Variants in TRAPPC9 observed in about 807,000 individuals in gnomAD.
TRAPPC9 encodes the protein trafficking protein particle complex subunit 9, also known as IKK2 binding protein.
A neutral mutation model predicts 124.0 loss-of-function variants in TRAPPC9; 83 were observed. The ratio of observed to expected loss-of-function variants is 0.67; its 90% CI spans 0.56 to 0.80. TRAPPC9 has a LOEUF of 0.80. Among genes scored for constraint, TRAPPC9 ranks in the 30% least tolerant of loss-of-function variants. The probability of loss-of-function intolerance (pLI) is 0.00; values close to 1 mark genes in which losing one functional copy is unlikely to be tolerated. For synonymous variants in TRAPPC9, 638 were observed against 617.5 expected (o/e 1.03, Z -0.49); for missense variants, 1,302 against 1,508.3 (o/e 0.86, Z 2.27).
chr8:140,388,117 G>T (rs10875452), intron 7 of TRAPPC9, among the ~76,000 whole-genome samples: 39,688 of 150,296 alleles, frequency 0.26, 5,628 homozygotes, highest in African/African-American at 0.3. Context: ...GCAAACTATC[G>T]CAAGGACAAA....
intron 18 of TRAPPC9, among the ~76,000 whole-genome samples, chr8:140,004,344 T>C (rs1233982589): frequency 3.3e-5 from 5 of 152,170 alleles, no homozygotes; most frequent in African/African-American, 1.2e-4. Context: ...TTCATTTTAC[T>C]CTATGTTAAT....
At chr8:140,011,946 A>AAAG (rs1353011082) in intron 18 of TRAPPC9, among the ~76,000 whole-genome samples, 22 of 152,066 alleles carry the variant, frequency 1.4e-4, no homozygotes, top group African/African-American at 5.1e-4. Flanking sequence ...CCAAAGTGCT[A>AAAG]GGATTACAGG....
intron 21 of TRAPPC9, among the ~76,000 whole-genome samples, chr8:139,878,824 CA>C (rs1829496491): frequency 6.6e-6 from 1 of 152,132 alleles, no homozygotes; most frequent in African/African-American, 2.4e-5. Context: ...ATACAAATAA[CA>C]AATACAAAAA....
intron 4 of TRAPPC9, among the ~76,000 whole-genome samples, chr8:140,430,456 T>G (rs1446594501): frequency 6.6e-6 from 1 of 152,058 alleles, no homozygotes; most frequent in Non-Finnish European, 1.5e-5. Context: ...GTGAACCCCT[T>G]CTTTTGCCCT....
At chr8:140,118,882 C>T (rs987701863) in intron 17 of TRAPPC9, among the ~76,000 whole-genome samples, 1 of 152,230 alleles carries the variant, frequency 6.6e-6, no homozygotes, top group African/African-American at 2.4e-5. Context: ...CCGGGTCCCA[C>T]CTGCGGCCTG....
chr8:140,329,933 A>G (rs1345150549), intron 9 of TRAPPC9, among the ~76,000 whole-genome samples: 5 of 151,884 alleles, frequency 3.3e-5, no homozygotes, highest in Non-Finnish European at 7.4e-5. Flanking sequence ...TACAAAAATT[A>G]CCCAGGTGCT....
intron 5 of TRAPPC9, among the ~76,000 whole-genome samples, chr8:140,413,027 G>A (rs28407852): frequency 6.6e-6 from 1 of 152,100 alleles, no homozygotes. Flanking sequence ...CATAACACTC[G>A]CTAAGTGTCA....
rs1563706660 is a variant in TRAPPC9, at chr8:140,033,668, T to TTTTTTTTTG, written c.2557-9590_2557-9589insCAAAAAAAA. ...ACTCTTCATAATGTGGTTTTTTTTT[T>TTTTTTTTTG]TTTTTTTTTTTTTTTTTTTTTTTTT... On this transcript the variant is annotated intron_variant, in intron 17 of 22. Coordinates refer to ENST00000438773, the MANE Select transcript of TRAPPC9 (RefSeq NM_001160372.4). Among the ~76,000 whole-genome samples, 59 of 71,152 alleles carry TTTTTTTTTG rather than the reference T, an allele frequency of 8.3e-4. 8 individuals are homozygous for TTTTTTTTTG. Among genetic ancestry groups the TTTTTTTTTG allele is most frequent in the East Asian group, 1.1e-3 (3 of 2,850 alleles). 46.7% of individuals were successfully genotyped at this position (71,152 alleles called of 152,430 possible). A position where few individuals can be genotyped will look rare whatever the true frequency, so the allele number is the denominator to read the frequency against.
chr8:139,880,243 G>A (rs368325776), intron 21 of TRAPPC9, among the ~76,000 whole-genome samples: 6 of 152,128 alleles, frequency 3.9e-5, no homozygotes, highest in Non-Finnish European at 8.8e-5. Context: ...GTGTGCAGGC[G>A]GCCGGCATAG....
chr8:139,927,928 G>A (rs779288785), intron 19 of TRAPPC9, among the ~76,000 whole-genome samples: 2 of 152,204 alleles, frequency 1.3e-5, no homozygotes, highest in Non-Finnish European at 2.9e-5. Flanking sequence ...GCAGAAGCAC[G>A]CCAGGGGTTG....
intron 15 of TRAPPC9, among the ~76,000 whole-genome samples, chr8:140,264,614 G>GAC (rs2064555638): frequency 8.8e-6 from 1 of 113,356 alleles, no homozygotes; most frequent in African/African-American, 3.0e-5. Context: ...GGGGAAGGGA[G>GAC]AGAGAGAGAG....
chr8:139,738,460 C>CG (rs925542617), intron 21 of TRAPPC9, among the ~76,000 whole-genome samples: 60 of 152,296 alleles, frequency 3.9e-4, no homozygotes, highest in African/African-American at 1.4e-3. Context: ...CCTGGGCCAT[C>CG]GGAGTAGGCC....
At chr8:139,884,391 C>G (rs954294522) in intron 21 of TRAPPC9, among the ~76,000 whole-genome samples, 6 of 152,214 alleles carry the variant, frequency 3.9e-5, no homozygotes, top group African/African-American at 1.4e-4. Context: ...GACCCTCAGA[C>G]AGAAGGGAGG....
chr8:140,195,877 G>A (rs1434372975), intron 17 of TRAPPC9, among the ~76,000 whole-genome samples: 6 of 140,000 alleles, frequency 4.3e-5, no homozygotes, highest in Non-Finnish European at 6.1e-5. Context: ...CACACTCAAC[G>A]ATCCACCATA....
At position 140,097,241 on chromosome 8, in the gene TRAPPC9, C is replaced by T; in HGVS notation, c.2557-73162G>A. 1 of 152,618 alleles carries T rather than the reference C, an allele frequency of 6.6e-6. No individual in the cohort carries two copies. Among genetic ancestry groups the T allele is most frequent in the Non-Finnish European group, 1.5e-5 (1 of 68,254 alleles). The allele number at this position is 152,618 out of a possible 1,614,324, so 9.5% of individuals were successfully genotyped here. A position where few individuals can be genotyped will look rare whatever the true frequency, so the allele number is the denominator to read the frequency against. The stretch of plus-strand genomic sequence containing the variant: ...GGAGTCACAGTCAGCAGAAGAGGAA[C>T]ACACACACCCCATCCCCACCAGGTC... On this transcript the variant is annotated intron_variant, in intron 17 of 22. Coordinates refer to ENST00000438773, the MANE Select transcript of TRAPPC9 (RefSeq NM_001160372.4). This position sits in a 1 kb window ranked among gnomAD's most constrained non-coding sequence, Gnocchi z 4.2.
At chr8:140,093,964 A>G (rs1173070620) in intron 17 of TRAPPC9, among the ~76,000 whole-genome samples, 1 of 152,176 alleles carries the variant, frequency 6.6e-6, no homozygotes, top group Non-Finnish European at 1.5e-5. Flanking sequence ...AGTTCCCTCC[A>G]GGACATACCA....
chr8:139,944,419 C>T (rs897175503), intron 19 of TRAPPC9, among the ~76,000 whole-genome samples: 1 of 152,158 alleles, frequency 6.6e-6, no homozygotes. Context: ...AGATCTGACA[C>T]ATTTGACCAC....
At chr8:140,052,100 C>CATGG (rs1842035861) in intron 17 of TRAPPC9, among the ~76,000 whole-genome samples, 2 of 152,106 alleles carry the variant, frequency 1.3e-5, no homozygotes, top group Non-Finnish European at 2.9e-5. Context: ...AAGCACAAGG[C>CATGG]ATGGCAAAGA....
intron 21 of TRAPPC9, among the ~76,000 whole-genome samples, chr8:139,758,165 G>C (rs1007189956): frequency 1.3e-5 from 2 of 152,232 alleles, no homozygotes; most frequent in African/African-American, 4.8e-5. Flanking sequence ...TGGGAAGCCA[G>C]TGTCACCCCT....
Sources: gnomAD v4.1 joint callset for allele counts (sites outside exome capture counted in the v4.1 genomes callset) on GRCh38, gnomAD v4.1.1 for gene constraint, Gnocchi (gnomAD v3.1) non-coding constraint, MANE v1.5 for transcripts, NCBI Gene and HGNC (gene_info 2026-07-23, HGNC 2026-07-21) for gene names.